NDUFV2: variants seen among roughly 807,000 people sequenced by gnomAD.
The protein encoded by NDUFV2 is NADH dehydrogenase [ubiquinone] flavoprotein 2, mitochondrial.
Under a neutral mutation model 31.6 loss-of-function variants are expected in NDUFV2, and 18 were observed. The ratio of observed to expected loss-of-function variants is 0.57; its 90% CI spans 0.39 to 0.84. NDUFV2 has a LOEUF of 0.84. Among genes scored for constraint, NDUFV2 ranks in the 40% least tolerant of loss-of-function variants. The pLI is 0.00. For synonymous variants in NDUFV2, 83 were observed against 99.8 expected, an observed-to-expected ratio of 0.83 and a Z score of 1.01; for missense variants, 314 against 303.6, an observed-to-expected ratio of 1.03 and a Z score of -0.26.
Position 9,124,978 on chromosome 18 carries a change from T to A in NDUFV2, c.574T>A (p.Tyr192Asn), listed in dbSNP as rs565032078. 37 of 1,613,304 alleles carry A rather than the reference T, an allele frequency of 2.3e-5. No individual in the cohort carries two copies. Among genetic ancestry groups the A allele is most frequent in the Non-Finnish European group, 2.8e-5 (33 of 1,179,422 alleles). Residue 192 changes from tyrosine to asparagine, a missense_variant, in exon 6 of 8, where the codon TAC becomes AAC. By Grantham distance (143) the Tyr-to-Asn change is moderately radical (BLOSUM62 -2). Transcript: ENST00000318388. The stretch of plus-strand genomic sequence containing the variant: ...ACCAATGGTTCAAATAAATGACAAT[T>A]ACTATGTGAGTATTTCAGGTAATAC... The part of the protein sequence containing the change: ...NAPMVQINDN[Y>N]YEDLTAKDIE...
chr18:9,119,447 T>C lies in NDUFV2; in HGVS notation c.184-27T>C, dbSNP rs771233944. ...AAATAGGTAATATTTTCTAGATGTA[T>C]AAAATGATGTTCTTTCTTTTATACA... is the stretch of plus-strand genomic sequence containing the variant. On this transcript the variant is annotated intron_variant, in intron 3 of 7. Coordinates refer to ENST00000318388, the MANE Select transcript of NDUFV2 (RefSeq NM_021074.5). 21 of 1,605,890 alleles carry C rather than the reference T, an allele frequency of 1.3e-5. 1 individual carries two copies. The South Asian group carries it at 2.2e-4, about 17-fold the overall frequency.
intron 7 of NDUFV2, among the ~76,000 whole-genome samples, chr18:9,130,606 A>G (rs1244440387): frequency 2.6e-5 from 4 of 152,218 alleles, no homozygotes; most frequent in Admixed American, 2.0e-4. Flanking sequence ...AATATCTTGG[A>G]TATATAGGAT....
At chr18:9,125,287 T>G (rs1568194665) in intron 6 of NDUFV2, among the ~76,000 whole-genome samples, 1 of 152,136 alleles carries the variant, frequency 6.6e-6, no homozygotes, top group African/African-American at 2.4e-5. Flanking sequence ...TTACTTCAGA[T>G]ACTATCATCA....
intron 4 of NDUFV2, chr18:9,121,402 A>G (rs1338317137): frequency 6.6e-6 from 1 of 152,188 alleles, no homozygotes; most frequent in African/African-American, 2.4e-5. Flanking sequence ...GGGTTCCAGC[A>G]TGTATATTTT....
intron 6 of NDUFV2, 130 bp downstream of exon 6, chr18:9,125,113 T>A (rs148477073): frequency 9.9e-7 from 1 of 1,014,956 alleles, no homozygotes; most frequent in Non-Finnish European, 1.4e-6. Context: ...ACCATAAATA[T>A]CCAGGTTTTA....
intron 1 of NDUFV2, among the ~76,000 whole-genome samples, chr18:9,106,034 TTTG>T (rs1414679432): frequency 3.1e-4 from 47 of 152,346 alleles, no homozygotes; most frequent in African/African-American, 1.1e-3. Context: ...AATAGTGTGT[TTTG>T]TTGTTGCTAT....
At chr18:9,107,155 A>G (rs146098360) in intron 1 of NDUFV2, among the ~76,000 whole-genome samples, 268 of 152,326 alleles carry the variant, frequency 1.8e-3, no homozygotes, top group African/African-American at 5.8e-3. Context: ...GAGAGAGAGA[A>G]TGAACAAACT....
At chr18:9,107,953 A>G (rs148597620) in intron 1 of NDUFV2, among the ~76,000 whole-genome samples, 195 of 152,352 alleles carry the variant, frequency 1.3e-3, no homozygotes, top group African/African-American at 4.4e-3. Context: ...AGCTACATAT[A>G]CAAAGACACT....
intron 1 of NDUFV2, chr18:9,115,803 A>T (rs1056236072): frequency 6.6e-6 from 1 of 152,206 alleles, no homozygotes; most frequent in African/African-American, 2.4e-5. Flanking sequence ...GGTTGTGGTG[A>T]GCCGAGATCA....
intron 1 of NDUFV2, among the ~76,000 whole-genome samples, chr18:9,110,963 A>C (rs996033886): frequency 1.3e-5 from 2 of 152,218 alleles, no homozygotes; most frequent in Non-Finnish European, 2.9e-5. Flanking sequence ...CAAGGATTAA[A>C]AAAAGATTAA....
At position 9,117,873 on chromosome 18, in the gene NDUFV2, G is replaced by A; in HGVS notation, c.90G>A (p.Met30Ile). ...RHVRNLHKTVMQNGAGGALFV... is the reference protein window; with the variant it reads ...RHVRNLHKTVIQNGAGGALFV... ...TAAGGAATTTGCATAAGACAGTTAT[G>A]CAAAATGGAGCTGGAGGAGCTTTAT... is the stretch of plus-strand genomic sequence containing the variant. The change falls in exon 2 of 8, where the codon ATG (methionine) becomes ATA (isoleucine). Residue 30 changes from methionine to isoleucine, a missense_variant. By Grantham distance (10) the Met-to-Ile change is conservative (BLOSUM62 1). Transcript: ENST00000318388. 1 of 1,599,056 alleles carries A rather than the reference G, an allele frequency of 6.3e-7. No homozygotes were observed. Among genetic ancestry groups the A allele is most frequent in the Non-Finnish European group, 8.6e-7 (1 of 1,166,622 alleles).
intron 1 of NDUFV2, among the ~76,000 whole-genome samples, chr18:9,106,378 C>G (rs1373364165): frequency 6.6e-6 from 1 of 152,132 alleles, no homozygotes; most frequent in South Asian, 2.1e-4. Context: ...CTTCAGAAAG[C>G]TTTTGTTTTT....
At chr18:9,114,558 A>G (rs1207932566) in intron 1 of NDUFV2, among the ~76,000 whole-genome samples, 1 of 151,940 alleles carries the variant, frequency 6.6e-6, no homozygotes, top group East Asian at 1.9e-4. Context: ...CTTAAATCTC[A>G]AAATAGTCCA....
chr18:9,105,297 G>A (rs942821364), intron 1 of NDUFV2, among the ~76,000 whole-genome samples: 2 of 152,190 alleles, frequency 1.3e-5, no homozygotes, highest in Non-Finnish European at 2.9e-5. Flanking sequence ...CTCTTGACGA[G>A]GCTTTTCAGC....
In NDUFV2 at chr18:9,127,753, T is replaced by C. The variant is rs138563160; in HGVS notation, c.656+846T>C. 1.9e-3 allele frequency among the ~76,000 whole-genome samples: 287 copies of C among 152,338 alleles called. 1 individual carries two copies. The highest frequency in any genetic ancestry group is 6.2e-3 in the African/African-American group (259 of 41,580). On this transcript the variant is annotated intron_variant, in intron 7 of 7. Transcript: ENST00000318388. ...TCCCAAAGTGCTGGGATTACAGGCATGAGCCACTGTGCCCGGCCTAATCAT... is the reference window on the plus strand; with the variant it reads ...TCCCAAAGTGCTGGGATTACAGGCACGAGCCACTGTGCCCGGCCTAATCAT...
chr18:9,122,758 AT>A (rs2077949770), intron 5 of NDUFV2, 77 bp downstream of exon 5: 2 of 1,494,460 alleles, frequency 1.3e-6, no homozygotes, highest in East Asian at 4.6e-5. Flanking sequence ...TCTATCTAAA[AT>A]TTCCAACTTC....
intron 1 of NDUFV2, chr18:9,103,492 A>G (rs1478858314): frequency 5.0e-6 from 1 of 199,596 alleles, no homozygotes; most frequent in Non-Finnish European, 1.0e-5. Flanking sequence ...TAATCTAAAA[A>G]TGCAGATTTC....
intron 4 of NDUFV2, 104 bp downstream of exon 4, chr18:9,119,694 AT>A: frequency 1.0e-6 from 1 of 993,542 alleles, no homozygotes; most frequent in African/African-American, 1.6e-5. Context: ...AGAATCTAGG[AT>A]TTTGGAGCCC....
chr18:9,132,373 A>C (rs2276095), intron 7 of NDUFV2: 120,110 of 152,078 alleles, frequency 0.79, 47,642 homozygotes, highest in Middle Eastern at 0.88. Flanking sequence ...CTTTAAGATA[A>C]CAAATGCTCA....
Sources: gnomAD v4.1 joint callset for allele counts (sites outside exome capture counted in the v4.1 genomes callset) on GRCh38, gnomAD v4.1.1 for gene constraint, MANE v1.5 for transcripts, NCBI Gene and HGNC (gene_info 2026-07-23, HGNC 2026-07-21) for gene names.